Variants in DCC observed in about 807,000 individuals in gnomAD.
The protein encoded by DCC is netrin receptor DCC.
Under a neutral mutation model 172.5 loss-of-function variants are expected in DCC, and 58 were observed. That is an observed-to-expected ratio of 0.34 (90% confidence interval 0.27 to 0.42). The LOEUF (loss-of-function observed/expected upper bound fraction) is 0.42. DCC is among the 10% of genes least tolerant of loss of function. The probability of loss-of-function intolerance (pLI) is 1.00; values close to 1 mark genes in which losing one functional copy is unlikely to be tolerated. For synonymous variants in DCC, 709 were observed against 644.5 expected (o/e 1.10, Z -1.52); for missense variants, 1,740 against 1,791.0 (o/e 0.97, Z 0.51).
chr18:52,874,510 T>G (rs73456901), intron 2 of DCC, among the ~76,000 whole-genome samples: 7,775 of 152,300 alleles, frequency 0.051, 270 homozygotes, highest in South Asian at 0.14. Flanking sequence ...GGCTTTATAC[T>G]TAGGAAATGT....
At chr18:52,586,263 C>T (rs1568241933) in intron 1 of DCC, among the ~76,000 whole-genome samples, 1 of 152,000 alleles carries the variant, frequency 6.6e-6, no homozygotes, top group Non-Finnish European at 1.5e-5. Flanking sequence ...GTAATGTTTT[C>T]ATTTTGATAT....
At chr18:53,247,930 A>G (rs1192545106) in intron 12 of DCC, among the ~76,000 whole-genome samples, 3 of 151,914 alleles carry the variant, frequency 2.0e-5, no homozygotes, top group Admixed American at 6.6e-5. Flanking sequence ...CCAATACTCT[A>G]GTTTCATAAT....
intron 1 of DCC, among the ~76,000 whole-genome samples, chr18:52,387,176 G>A (rs1355681662): frequency 6.6e-6 from 1 of 152,130 alleles, no homozygotes; most frequent in Non-Finnish European, 1.5e-5. Context: ...CATGTTCTTT[G>A]CTTCCTGTCT....
chr18:53,171,225 C>A (rs962886054), intron 8 of DCC, among the ~76,000 whole-genome samples: 1 of 152,058 alleles, frequency 6.6e-6, no homozygotes, highest in East Asian at 1.9e-4. Context: ...ATATGATAAG[C>A]AGATTTCTGG....
intron 5 of DCC, among the ~76,000 whole-genome samples, chr18:52,975,502 C>T (rs969744997): frequency 6.6e-6 from 1 of 152,158 alleles, no homozygotes; most frequent in Non-Finnish European, 1.5e-5. Flanking sequence ...CTGATCCTCT[C>T]CCTCCTCCCA....
intron 7 of DCC, among the ~76,000 whole-genome samples, chr18:53,077,129 T>C (rs928663956): frequency 5.3e-5 from 8 of 152,150 alleles, no homozygotes; most frequent in African/African-American, 1.9e-4. Context: ...TATCAACATG[T>C]CTTTTCCCCA....
At chr18:53,387,886 A>G (rs1392339333) in intron 16 of DCC, among the ~76,000 whole-genome samples, 4 of 152,190 alleles carry the variant, frequency 2.6e-5, no homozygotes, top group Non-Finnish European at 5.9e-5. Flanking sequence ...AGGACCACTG[A>G]GGTGGCAAAT....
intron 19 of DCC, among the ~76,000 whole-genome samples, chr18:53,409,445 A>G (rs968807): frequency 0.43 from 65,254 of 151,662 alleles, 15,805 homozygotes; most frequent in Non-Finnish European, 0.55. Context: ...CCTATGTTAT[A>G]TAGATAGCAT....
intron 7 of DCC, among the ~76,000 whole-genome samples, chr18:53,132,823 C>T (rs1005842385): frequency 1.3e-5 from 2 of 152,094 alleles, no homozygotes; most frequent in Non-Finnish European, 2.9e-5. Flanking sequence ...GAGAAGGACC[C>T]ATCATTCTGT....
At chr18:53,162,037 G>A (rs900553548) in intron 8 of DCC, among the ~76,000 whole-genome samples, 4 of 151,992 alleles carry the variant, frequency 2.6e-5, no homozygotes, top group South Asian at 2.1e-4. Context: ...GGTGGCTCAC[G>A]CCTGTAATCC....
At chr18:52,998,829 T>C (rs2041522533) in intron 5 of DCC, among the ~76,000 whole-genome samples, 1 of 152,118 alleles carries the variant, frequency 6.6e-6, no homozygotes, top group South Asian at 2.1e-4. Flanking sequence ...TGTGTGTGTG[T>C]GTGTTTGTTT....
rs561239038 is a variant in DCC, at chr18:53,461,797, A to T, written c.3619+2339A>T. Among the ~76,000 whole-genome samples, 30 of 152,340 alleles carry T rather than the reference A, an allele frequency of 2.0e-4. No individual in the cohort carries two copies. The South Asian group carries it at 5.2e-3, about 26-fold the overall frequency. On this transcript the variant is annotated intron_variant, in intron 24 of 28. Transcript: ENST00000442544. Reference sequence around the variant, plus strand: ...CTTGTCACTCCAGTTATTGAAGGACAGTCTAGTTCCATTAAAAACTATCAT... The same window carrying T: ...CTTGTCACTCCAGTTATTGAAGGACTGTCTAGTTCCATTAAAAACTATCAT...
chr18:52,519,697 T>G (rs2144663644), intron 1 of DCC, among the ~76,000 whole-genome samples: 1 of 152,224 alleles, frequency 6.6e-6, no homozygotes, highest in Middle Eastern at 3.4e-3. Flanking sequence ...CCAGGAGGGA[T>G]CCACCTCAGC....
intron 12 of DCC, among the ~76,000 whole-genome samples, chr18:53,290,065 T>C (rs772147010): frequency 4.4e-4 from 67 of 152,202 alleles, no homozygotes; most frequent in Admixed American, 7.9e-4. Context: ...TGTGAAAGCA[T>C]TGTATATGAC....
At chr18:52,520,902 T>C (rs1045254611) in intron 1 of DCC, among the ~76,000 whole-genome samples, 4 of 152,152 alleles carry the variant, frequency 2.6e-5, no homozygotes, top group Non-Finnish European at 5.9e-5. Context: ...TGTAAACAAA[T>C]TCTTTGGACT....
chr18:52,907,426 TA>T (rs1478574948), intron 3 of DCC, among the ~76,000 whole-genome samples: 7 of 149,434 alleles, frequency 4.7e-5, no homozygotes, highest in Middle Eastern at 3.4e-3. Flanking sequence ...CATATATACA[TA>T]TTTTTTTTAG....
intron 1 of DCC, among the ~76,000 whole-genome samples, chr18:52,749,850 T>C (rs541570758): frequency 8.5e-5 from 13 of 152,354 alleles, no homozygotes; most frequent in African/African-American, 3.1e-4. Context: ...AATACATGCT[T>C]TCTAATATAG....
At chr18:53,423,430 G>A (rs1182807507) in intron 21 of DCC, among the ~76,000 whole-genome samples, 5 of 152,030 alleles carry the variant, frequency 3.3e-5, no homozygotes, top group Non-Finnish European at 5.9e-5. Context: ...TGACTGTAAC[G>A]TCTCTTTCCT....
At chr18:53,413,008 G>C (rs1910079852) in intron 20 of DCC, among the ~76,000 whole-genome samples, 1 of 152,142 alleles carries the variant, frequency 6.6e-6, no homozygotes, top group African/African-American at 2.4e-5. Context: ...ATCCTCCCCA[G>C]GGTCCCACTG....
Sources: gnomAD v4.1 joint callset for allele counts (sites outside exome capture counted in the v4.1 genomes callset) on GRCh38, gnomAD v4.1.1 for gene constraint, MANE v1.5 for transcripts, NCBI Gene and HGNC (gene_info 2026-07-23, HGNC 2026-07-21) for gene names.